TMX3: variants seen among roughly 807,000 people sequenced by gnomAD.
TMX3 encodes the protein protein disulfide-isomerase TMX3.
TMX3 carries 40 observed loss-of-function variants against 64.4 expected under a neutral mutation model. The observed-to-expected ratio is 0.62, with a 90% CI of 0.48 to 0.81. The LOEUF (loss-of-function observed/expected upper bound fraction) is 0.81. Ranked by LOEUF, TMX3 falls within the 30% of genes least tolerant of loss-of-function variation. The pLI is 0.00. For synonymous variants in TMX3, 189 were observed against 175.7 expected (o/e 1.08, Z -0.60); for missense variants, 497 against 534.5 (o/e 0.93, Z 0.69).
chr18:68,698,640 C>G (rs1486224395), intron 6 of TMX3, among the ~76,000 whole-genome samples: 1 of 152,042 alleles, frequency 6.6e-6, no homozygotes, highest in Non-Finnish European at 1.5e-5. Context: ...AAATGTTATA[C>G]AAGCATTTTT....
intron 1 of TMX3, among the ~76,000 whole-genome samples, 164 bp from the exon 2 acceptor site, chr18:68,714,064 C>G (rs1482455967): frequency 6.6e-6 from 1 of 152,184 alleles, no homozygotes; most frequent in African/African-American, 2.4e-5. Flanking sequence ...GGTAGTTCAT[C>G]CATTTAATAA....
intron 14 of TMX3, among the ~76,000 whole-genome samples, chr18:68,680,455 T>C (rs1186327749): frequency 2.0e-5 from 3 of 152,174 alleles, no homozygotes. Flanking sequence ...TATTCACTTA[T>C]TTCTGAGAAA....
chr18:68,687,618 C>G (rs1568183794), intron 10 of TMX3, 49 bp downstream of exon 10: 1 of 1,544,694 alleles, frequency 6.5e-7, no homozygotes, highest in East Asian at 2.4e-5. Context: ...TTTAAATAAT[C>G]AAAGAAAAAT....
intron 8 of TMX3, among the ~76,000 whole-genome samples, chr18:68,694,746 G>GGTTT (rs1914892152): frequency 6.6e-6 from 1 of 152,142 alleles, no homozygotes; most frequent in Admixed American, 6.5e-5. Context: ...AACCAAAATG[G>GGTTT]GTTTAAGTTG....
In TMX3 at chr18:68,675,118, T is replaced by C. The variant is rs192725085; in HGVS notation, c.*1815A>G. On this transcript the variant is annotated 3_prime_UTR_variant, in exon 16 of 16. Transcript: ENST00000299608. ...GACTGCTAAGTTTTCACTTCCTTAC[T>C]AGGCTGAGTTTCAAATGAGGTATCC... is the stretch of plus-strand genomic sequence containing the variant. 10 of 152,176 alleles carry C rather than the reference T, an allele frequency of 6.6e-5. No individual in the cohort carries two copies. Among genetic ancestry groups the C allele is most frequent in the Admixed American group, 5.9e-4 (9 of 15,276 alleles). 9.4% of individuals were successfully genotyped at this position (152,176 alleles called of 1,614,324 possible).
chr18:68,701,009 A>G lies in TMX3; in HGVS notation c.312-524T>C, dbSNP rs1444082266. 6.1e-6 allele frequency: 6 copies of G among 985,076 alleles called. No homozygotes were observed. In the African/African-American group the frequency reaches 8.7e-5, roughly 14 times the overall value. The allele number at this position is 985,076 out of a possible 1,614,324, so 61.0% of individuals were successfully genotyped here. On this transcript the variant is annotated intron_variant, in intron 5 of 15. Transcript: ENST00000299608. ...AACCAATGAATTAATCTGTGTGCCT[A>G]ATTAACTAAAATTTTAAAAAGGAAA...
chr18:68,689,389 C>A (rs1262379744), intron 9 of TMX3, among the ~76,000 whole-genome samples: 2 of 149,438 alleles, frequency 1.3e-5, no homozygotes, highest in Non-Finnish European at 3.0e-5. Flanking sequence ...CAGATATGAT[C>A]AGTGTTTTTT....
Position 68,692,645 on chromosome 18 carries a change from T to C in TMX3, c.571-1284A>G, listed in dbSNP as rs540037595. 2.0e-5 allele frequency among the ~76,000 whole-genome samples: 3 copies of C among 152,328 alleles called. No homozygotes were observed. The East Asian group carries it at 5.8e-4, about 29-fold the overall frequency. On this transcript the variant is annotated intron_variant, in intron 8 of 15. Coordinates refer to ENST00000299608, the MANE Select transcript of TMX3 (RefSeq NM_019022.5). ...TCATCTATGGGAGTAAAACTCCTCA[T>C]ATTATTGTGAAGTAACTATTATTTC...
At position 68,689,495 on chromosome 18, in the gene TMX3, T is replaced by C. The variant is rs1378498512; in HGVS notation, c.638-1730A>G. On this transcript the variant is annotated intron_variant, in intron 9 of 15. Transcript: ENST00000299608. ...ATTTGAAGACTGAATTTTGATATCA[T>C]TGATTATTTTATCGTGGAAAAAAAA... Among the ~76,000 whole-genome samples the C allele has an allele frequency of 2.8e-5, 4 of 144,262 alleles. No homozygotes were observed. In the East Asian group the frequency reaches 7.8e-4, roughly 28 times the overall value. 94.6% of individuals were successfully genotyped at this position (144,262 alleles called of 152,430 possible).
intron 14 of TMX3, among the ~76,000 whole-genome samples, chr18:68,680,362 A>G (rs1307414260): frequency 1.3e-5 from 2 of 152,130 alleles, no homozygotes; most frequent in African/African-American, 4.8e-5. Flanking sequence ...CGGTGGTTTC[A>G]TGACTTTCTA....
Position 68,675,763 on chromosome 18 carries a change from T to C in TMX3, c.*1170A>G, listed in dbSNP as rs1450284828. On this transcript the variant is annotated 3_prime_UTR_variant, in exon 16 of 16. Coordinates refer to ENST00000299608, the MANE Select transcript of TMX3 (RefSeq NM_019022.5). Reference sequence around the variant, plus strand: ...TTTAAAAAAAAGAGTTTTTAGACATTGCTTTGGAAAGAATTCCTGTATTAG... The same window carrying C: ...TTTAAAAAAAAGAGTTTTTAGACATCGCTTTGGAAAGAATTCCTGTATTAG... 6.6e-6 allele frequency: 1 copy of C among 152,154 alleles called. No homozygotes were observed. The highest frequency in any genetic ancestry group is 1.5e-5 in the Non-Finnish European group (1 of 68,014). The allele number at this position is 152,154 out of a possible 1,614,324, so 9.4% of individuals were successfully genotyped here.
intron 8 of TMX3, among the ~76,000 whole-genome samples, chr18:68,691,826 TTACA>T: frequency 6.6e-6 from 1 of 152,214 alleles, no homozygotes; most frequent in Admixed American, 6.5e-5. Context: ...TATAAGCCAC[TTACA>T]GTAGTAATAA....
intron 2 of TMX3, among the ~76,000 whole-genome samples, chr18:68,713,001 T>G (rs1379800850): frequency 1.4e-5 from 2 of 141,628 alleles, no homozygotes; most frequent in African/African-American, 2.8e-5. Context: ...AGTCAAGAGG[T>G]TTAAAAAAAA....
At chr18:68,700,081 A>G (rs968884559) in intron 6 of TMX3, among the ~76,000 whole-genome samples, 7 of 152,280 alleles carry the variant, frequency 4.6e-5, no homozygotes, top group Admixed American at 1.3e-4. Flanking sequence ...CAAAATTATC[A>G]TAAAATAAAA....
At chr18:68,681,753 G>C (rs1376092555) in intron 13 of TMX3, among the ~76,000 whole-genome samples, 1 of 152,174 alleles carries the variant, frequency 6.6e-6, no homozygotes, top group Non-Finnish European at 1.5e-5. Context: ...AGCAAAGCTA[G>C]AGAAAACCAA....
chr18:68,686,623 C>T (rs1419997900), intron 10 of TMX3: 1 of 560,712 alleles, frequency 1.8e-6, no homozygotes, highest in Non-Finnish European at 2.3e-6. Flanking sequence ...AGGAGAACTG[C>T]TTGAACCAGG....
At chr18:68,681,190 G>T in intron 13 of TMX3, 80 bp from the exon 14 acceptor site, 2 of 1,213,192 alleles carry the variant, frequency 1.6e-6, no homozygotes, top group Non-Finnish European at 2.2e-6. Context: ...TATCTCAGTA[G>T]CCATAATTAT....
intron 4 of TMX3, among the ~76,000 whole-genome samples, chr18:68,704,041 C>G (rs1438368876): frequency 6.6e-6 from 1 of 152,098 alleles, no homozygotes; most frequent in Non-Finnish European, 1.5e-5. Flanking sequence ...CTATGTAACT[C>G]TGGATGTTTT....
chr18:68,688,249 T>C (rs1337554326), intron 9 of TMX3, among the ~76,000 whole-genome samples: 1 of 152,196 alleles, frequency 6.6e-6, no homozygotes, highest in Non-Finnish European at 1.5e-5. Flanking sequence ...ACTTGGGTCA[T>C]GGCACTACAG....
Sources: gnomAD v4.1 joint callset for allele counts (sites outside exome capture counted in the v4.1 genomes callset) on GRCh38, gnomAD v4.1.1 for gene constraint, MANE v1.5 for transcripts, NCBI Gene and HGNC (gene_info 2026-07-23, HGNC 2026-07-21) for gene names.